Variants in ZMAT4 observed in about 807,000 individuals in gnomAD.
ZMAT4 encodes zinc finger matrin-type 4, also known as zinc finger matrin-type protein 4.
In ZMAT4, 17 loss-of-function variants were observed where a neutral mutation model predicts 28.7. The observed-to-expected ratio is 0.59, with a 90% confidence interval of 0.41 to 0.89. The LOEUF is 0.89. Among genes scored for constraint, ZMAT4 ranks in the 40% least tolerant of loss-of-function variants. The probability of loss-of-function intolerance (pLI) is 0.00; values close to 1 mark genes in which losing one functional copy is unlikely to be tolerated. For synonymous variants in ZMAT4, 117 were observed against 109.2 expected, an observed-to-expected ratio of 1.07 and a Z score of -0.44; for missense variants, 240 against 283.8, an observed-to-expected ratio of 0.85 and a Z score of 1.11.
chr8:40,543,072 T>C (rs1051492550), intron 6 of ZMAT4, among the ~76,000 whole-genome samples: 3 of 152,086 alleles, frequency 2.0e-5, no homozygotes, highest in Non-Finnish European at 4.4e-5. Context: ...AATCCACAGA[T>C]AGAGTGAATT....
intron 2 of ZMAT4, among the ~76,000 whole-genome samples, chr8:40,780,795 G>A (rs1158544271): frequency 2.0e-5 from 3 of 152,120 alleles, no homozygotes; most frequent in East Asian, 1.9e-4. Flanking sequence ...AAAACCCTAA[G>A]ATCATCTCAA....
intron 4 of ZMAT4, among the ~76,000 whole-genome samples, chr8:40,680,158 G>A (rs369652189): frequency 3.3e-5 from 5 of 152,042 alleles, no homozygotes; most frequent in African/African-American, 9.7e-5. Flanking sequence ...TATTTTCTGG[G>A]GTGGCCTATA....
chr8:40,570,026 G>A (rs996758477), intron 6 of ZMAT4, among the ~76,000 whole-genome samples: 1 of 152,150 alleles, frequency 6.6e-6, no homozygotes, highest in Admixed American at 6.5e-5. Context: ...AACTCAGTGA[G>A]GGAACTTGTT....
intron 2 of ZMAT4, among the ~76,000 whole-genome samples, chr8:40,783,212 C>T (rs1346034674): frequency 6.6e-6 from 1 of 152,198 alleles, no homozygotes; most frequent in Non-Finnish European, 1.5e-5. Context: ...TGATAAATAT[C>T]ATTCAGCTAT....
At chr8:40,740,992 G>GCACACACACACA (rs5891118) in intron 3 of ZMAT4, among the ~76,000 whole-genome samples, 1 of 148,478 alleles carries the variant, frequency 6.7e-6, no homozygotes, top group Non-Finnish European at 1.5e-5. Context: ...TGATAAATGC[G>GCACACACACACA]CACACACACA....
intron 1 of ZMAT4, among the ~76,000 whole-genome samples, chr8:40,881,537 A>AT (rs34414792): frequency 5.8e-5 from 3 of 51,598 alleles, no homozygotes; most frequent in African/African-American, 1.7e-4. Context: ...ACAGAAAGAA[A>AT]GAAAGAAAGA....
At position 40,636,105 on chromosome 8, in the gene ZMAT4, C is replaced by T. The variant is rs76769418; in HGVS notation, c.577+38599G>A. ...AAATTCAAGATATTCCCCCAAAGAG[C>T]CTGCAATGATTCATACATGCCTCTC... is the stretch of plus-strand genomic sequence containing the variant. On this transcript the variant is annotated intron_variant, in intron 5 of 6. Coordinates refer to ENST00000297737, the MANE Select transcript of ZMAT4 (RefSeq NM_024645.3). Among the ~76,000 whole-genome samples, 332 of 152,300 alleles carry T rather than the reference C, an allele frequency of 2.2e-3. 1 individual carries two copies. The highest frequency in any genetic ancestry group is 7.5e-3 in the African/African-American group (310 of 41,558).
intron 1 of ZMAT4, chr8:40,884,771 G>A (rs770922963): frequency 2.6e-5 from 4 of 152,194 alleles, no homozygotes; most frequent in Non-Finnish European, 4.4e-5. Context: ...CTGGATCCAA[G>A]GTCAGCAAAC....
chr8:40,825,960 T>A (rs1164699338), intron 1 of ZMAT4, among the ~76,000 whole-genome samples: 2 of 152,224 alleles, frequency 1.3e-5, no homozygotes, highest in Non-Finnish European at 2.9e-5. Context: ...TAATGCCTTG[T>A]CAAGAGTTTA....
At chr8:40,697,483 T>C in intron 3 of ZMAT4, 82 bp from the exon 4 acceptor site, 1 of 1,277,158 alleles carries the variant, frequency 7.8e-7, no homozygotes, top group Non-Finnish European at 1.0e-6. Context: ...GACGAACTAG[T>C]GTATTGAAAT....
At chr8:40,828,427 C>CA (rs988334621) in intron 1 of ZMAT4, among the ~76,000 whole-genome samples, 1 of 152,008 alleles carries the variant, frequency 6.6e-6, no homozygotes, top group African/African-American at 2.4e-5. Context: ...CAACCAACTG[C>CA]AAAAATCAAA....
chr8:40,673,681 A>G (rs1355052019), intron 5 of ZMAT4, among the ~76,000 whole-genome samples: 3 of 152,178 alleles, frequency 2.0e-5, no homozygotes, highest in Non-Finnish European at 4.4e-5. Context: ...AAAAGTATGT[A>G]GGTGATCAAA....
chr8:40,668,820 C>T (rs1338879342), intron 5 of ZMAT4, among the ~76,000 whole-genome samples: 2 of 151,644 alleles, frequency 1.3e-5, no homozygotes, highest in African/African-American at 2.4e-5. Flanking sequence ...TTGGCTCCAT[C>T]GATGCTTTGT....
intron 3 of ZMAT4, among the ~76,000 whole-genome samples, chr8:40,706,177 T>G (rs2150503091): frequency 6.6e-6 from 1 of 152,270 alleles, no homozygotes. Context: ...CTCAGACTCC[T>G]GAGTAGCTGG....
intron 5 of ZMAT4, among the ~76,000 whole-genome samples, chr8:40,596,893 A>C (rs1805124734): frequency 6.6e-6 from 1 of 152,192 alleles, no homozygotes; most frequent in Non-Finnish European, 1.5e-5. Context: ...AGGGCAGTGC[A>C]TAAAGTTCTA....
intron 5 of ZMAT4, among the ~76,000 whole-genome samples, chr8:40,601,458 G>GAAAGAAAAA (rs1401179649): frequency 7.1e-5 from 2 of 28,200 alleles, no homozygotes; most frequent in Admixed American, 4.8e-4. Context: ...GGAAGGAAGG[G>GAAAGAAAAA]AGGAAGAAAG....
At chr8:40,892,517 T>C (rs1375558855) in intron 1 of ZMAT4, among the ~76,000 whole-genome samples, 1 of 152,224 alleles carries the variant, frequency 6.6e-6, no homozygotes, top group Non-Finnish European at 1.5e-5. Context: ...TAACCACAGG[T>C]GTTCCTGTCT....
chr8:40,545,325 G>A (rs1585665577), intron 6 of ZMAT4, among the ~76,000 whole-genome samples: 1 of 152,090 alleles, frequency 6.6e-6, no homozygotes, highest in Non-Finnish European at 1.5e-5. Flanking sequence ...CATAGGAACT[G>A]TGAGATAATA....
intron 4 of ZMAT4, among the ~76,000 whole-genome samples, chr8:40,678,730 A>C (rs890474652): frequency 1.3e-5 from 2 of 152,228 alleles, no homozygotes; most frequent in African/African-American, 4.8e-5. Flanking sequence ...GCTCTCTTCT[A>C]GTACATTTTC....
Sources: gnomAD v4.1 joint callset for allele counts (sites outside exome capture counted in the v4.1 genomes callset) on GRCh38, gnomAD v4.1.1 for gene constraint, MANE v1.5 for transcripts, NCBI Gene and HGNC (gene_info 2026-07-23, HGNC 2026-07-21) for gene names.